The following SEPTIN7 variants were observed in gnomAD, a reference collection of about 807,000 sequenced individuals.
SEPTIN7 encodes septin 7, also known as septin-7.
In SEPTIN7, 10 loss-of-function variants were observed where a neutral mutation model predicts 63.3. The ratio of observed to expected loss-of-function variants is 0.16; its 90% CI spans 0.10 to 0.27. The LOEUF (loss-of-function observed/expected upper bound fraction) is 0.27. Ranked by LOEUF, SEPTIN7 falls within the 10% of genes least tolerant of loss-of-function variation. The pLI is 1.00. For missense variants in SEPTIN7, 310 were observed against 521.0 expected, an observed-to-expected ratio of 0.59 and a Z score of 3.94; for synonymous variants, 131 against 165.3, an observed-to-expected ratio of 0.79 and a Z score of 1.59.
rs1392029659 is a variant in SEPTIN7, at chr7:35,906,226, G to T, written c.*1933G>T. 1.3e-5 allele frequency: 2 copies of T among 152,186 alleles called. No homozygotes were observed. Among genetic ancestry groups the T allele is most frequent in the Non-Finnish European group, 1.5e-5 (1 of 68,028 alleles). 9.4% of individuals were successfully genotyped at this position (152,186 alleles called of 1,614,324 possible). A position where few individuals can be genotyped will look rare whatever the true frequency, so the allele number is the denominator to read the frequency against. On this transcript the variant is annotated 3_prime_UTR_variant, in exon 14 of 14. Coordinates refer to ENST00000350320, the MANE Select transcript of SEPTIN7 (RefSeq NM_001788.6). ...TTCTATGTATTATAATAATAAATTT[G>T]TAAGACATTCATTATTCTACCATCC...
At chr7:35,844,222 G>A (rs927130907) in intron 3 of SEPTIN7, among the ~76,000 whole-genome samples, 1 of 152,110 alleles carries the variant, frequency 6.6e-6, no homozygotes, top group Non-Finnish European at 1.5e-5. Context: ...TTGAATAAAG[G>A]TTATAGTAAT....
downstream of SEPTIN7, among the ~76,000 whole-genome samples, chr7:35,908,525 C>G (rs553425843): frequency 6.6e-6 from 1 of 152,258 alleles, no homozygotes; most frequent in Admixed American, 6.5e-5. Flanking sequence ...GTTTGTGGAC[C>G]TGCCGAAATC....
intron 3 of SEPTIN7, among the ~76,000 whole-genome samples, chr7:35,842,357 A>AC (rs1048226028): frequency 1.3e-5 from 2 of 151,812 alleles, no homozygotes; most frequent in African/African-American, 4.8e-5. Context: ...TGAAAAAAAA[A>AC]AAACCCTCAT....
intron 3 of SEPTIN7, among the ~76,000 whole-genome samples, chr7:35,842,764 G>A (rs1177215088): frequency 6.6e-6 from 1 of 152,114 alleles, no homozygotes; most frequent in African/African-American, 2.4e-5. Flanking sequence ...TACAAGTACA[G>A]TACATAACTT....
intron 6 of SEPTIN7, among the ~76,000 whole-genome samples, chr7:35,876,472 A>T (rs1238873840): frequency 6.6e-6 from 1 of 152,218 alleles, no homozygotes; most frequent in Admixed American, 6.5e-5. Context: ...TGAATATTTC[A>T]TGGCATTTAT....
At chr7:35,880,771 G>A (rs1425050606) in intron 7 of SEPTIN7, among the ~76,000 whole-genome samples, 1 of 152,058 alleles carries the variant, frequency 6.6e-6, no homozygotes, top group African/African-American at 2.4e-5. Flanking sequence ...AGAGTCTCAT[G>A]CTGTATGACT....
intron 7 of SEPTIN7, among the ~76,000 whole-genome samples, chr7:35,880,223 CTTTTT>C: frequency 1.4e-5 from 1 of 72,776 alleles, no homozygotes; most frequent in East Asian, 4.0e-4. Flanking sequence ...TTTTTCTTTT[CTTTTT>C]TTTTTTTTTT....
intron 1 of SEPTIN7, among the ~76,000 whole-genome samples, chr7:35,819,331 G>A (rs559129366): frequency 6.6e-6 from 1 of 152,200 alleles, no homozygotes; most frequent in Non-Finnish European, 1.5e-5. Flanking sequence ...ATGATTTTCA[G>A]CCCATTTAAA....
At chr7:35,880,270 A>G (rs1407727397) in intron 7 of SEPTIN7, among the ~76,000 whole-genome samples, 2 of 89,808 alleles carry the variant, frequency 2.2e-5, no homozygotes, top group South Asian at 3.1e-4. Flanking sequence ...ATGAATTCCC[A>G]GGAAGTGGAT....
chr7:35,840,085 CTTTTCTTTCCCTTTTCCT>C (rs1453590886), intron 3 of SEPTIN7, among the ~76,000 whole-genome samples: 3 of 151,860 alleles, frequency 2.0e-5, no homozygotes, highest in African/African-American at 7.3e-5. Context: ...TTGTTCCTTT[CTTTTCTTTCCCTTTTCCT>C]TTTTCTTTTT....
rs763237549 is a variant in SEPTIN7 at position 35,863,681 on chromosome 7, T to C, written c.276+23T>C. ...CAGGTATGGATATTAGTATTGTTAA[T>C]TGATAAGCTGGAATAATATTAATAC... On this transcript the variant is annotated intron_variant, in intron 4 of 13. Transcript: ENST00000350320. 37 of 1,211,564 alleles carry C rather than the reference T, an allele frequency of 3.1e-5. No individual in the cohort carries two copies. In the East Asian group the frequency reaches 8.6e-4, roughly 28 times the overall value. The allele number at this position is 1,211,564 out of a possible 1,614,324, so 75.1% of individuals were successfully genotyped here.
chr7:35,834,776 A>G (rs1041995734), intron 3 of SEPTIN7, among the ~76,000 whole-genome samples: 1 of 152,148 alleles, frequency 6.6e-6, no homozygotes, highest in African/African-American at 2.4e-5. Flanking sequence ...GCTGACTCTA[A>G]CAGCATCATT....
chr7:35,902,128 A>G (rs1788359349), intron 12 of SEPTIN7: 1 of 151,410 alleles, frequency 6.6e-6, no homozygotes, highest in Non-Finnish European at 1.5e-5. Flanking sequence ...TCTGTAACAG[A>G]ACATAATTCC....
chr7:35,869,709 T>A (rs1180826630), intron 4 of SEPTIN7, among the ~76,000 whole-genome samples: 1 of 152,246 alleles, frequency 6.6e-6, no homozygotes, highest in African/African-American at 2.4e-5. Context: ...AACTCTTGTA[T>A]ACTGTATACA....
At chr7:35,820,885 A>T (rs923333897) in intron 1 of SEPTIN7, among the ~76,000 whole-genome samples, 39 of 151,958 alleles carry the variant, frequency 2.6e-4, no homozygotes, top group Non-Finnish European at 5.4e-4. Context: ...GCTTTTTGTT[A>T]TTTGCTTAGT....
At chr7:35,828,211 A>G (rs911127848) in intron 1 of SEPTIN7, among the ~76,000 whole-genome samples, 8 of 152,204 alleles carry the variant, frequency 5.3e-5, no homozygotes, top group Admixed American at 6.5e-5. Flanking sequence ...TTAAGTTACC[A>G]GTGACCTTAT....
rs1374689752 is a variant in SEPTIN7, at chr7:35,906,405, A to G, written c.*2112A>G. 10 of 152,132 alleles carry G rather than the reference A, an allele frequency of 6.6e-5. No homozygotes were observed. Among genetic ancestry groups the G allele is most frequent in the Admixed American group, 6.5e-4 (10 of 15,278 alleles). 9.4% of individuals were successfully genotyped at this position (152,132 alleles called of 1,614,324 possible). ...GTTCTTTTTGCCATTTGGCCTGTGG[A>G]TGTCTGAGAAGATCATTCACAATAC... On this transcript the variant is annotated 3_prime_UTR_variant, in exon 14 of 14. Coordinates refer to ENST00000350320, the MANE Select transcript of SEPTIN7 (RefSeq NM_001788.6).
chr7:35,827,351 A>C (rs1294220732), intron 1 of SEPTIN7, among the ~76,000 whole-genome samples: 1 of 152,194 alleles, frequency 6.6e-6, no homozygotes. Context: ...TCACACTGGC[A>C]CTGTGAACAT....
At chr7:35,887,141 A>G (rs1213928428) in intron 10 of SEPTIN7, among the ~76,000 whole-genome samples, 1 of 152,230 alleles carries the variant, frequency 6.6e-6, no homozygotes, top group Non-Finnish European at 1.5e-5. Context: ...CATATTAATA[A>G]TATAATCTGC....
Sources: gnomAD v4.1 joint callset for allele counts (sites outside exome capture counted in the v4.1 genomes callset) on GRCh38, gnomAD v4.1.1 for gene constraint, MANE v1.5 for transcripts, NCBI Gene and HGNC (gene_info 2026-07-23, HGNC 2026-07-21) for gene names.